WDR3: variants seen among roughly 807,000 people sequenced by gnomAD.
WDR3 encodes the protein WD repeat-containing protein 3.
Under a neutral mutation model 123.7 loss-of-function variants are expected in WDR3, and 81 were observed. That is an observed-to-expected ratio of 0.65 (90% CI 0.55 to 0.79). The LOEUF (loss-of-function observed/expected upper bound fraction) is 0.79, where lower values mean the gene tolerates loss of function less well. Among genes scored for constraint, WDR3 ranks in the 30% least tolerant of loss-of-function variants. WDR3 has a pLI of 0.00. For synonymous variants in WDR3, 390 were observed against 388.8 expected (o/e 1.00, Z -0.04); for missense variants, 1,027 against 1,123.2 (o/e 0.91, Z 1.22).
chr1:117,935,593 T>C (rs1650917085), intron 3 of WDR3, among the ~76,000 whole-genome samples: 1 of 152,092 alleles, frequency 6.6e-6, no homozygotes, highest in African/African-American at 2.4e-5. Context: ...AAACAGTCCT[T>C]AGACAATTGG....
intron 11 of WDR3, among the ~76,000 whole-genome samples, chr1:117,945,537 C>G (rs1312455044): frequency 1.3e-5 from 2 of 152,156 alleles, no homozygotes; most frequent in Non-Finnish European, 2.9e-5. Context: ...CACCTAACAC[C>G]TGATATACCA....
chr1:117,932,187 A>G (rs1650754688), intron 1 of WDR3, among the ~76,000 whole-genome samples: 1 of 152,208 alleles, frequency 6.6e-6, no homozygotes, highest in Non-Finnish European at 1.5e-5. Flanking sequence ...TTTTCAGTGA[A>G]TTTAATAAAA....
At chr1:117,950,393 G>A (rs1651566924) in intron 15 of WDR3, among the ~76,000 whole-genome samples, 1 of 152,164 alleles carries the variant, frequency 6.6e-6, no homozygotes. Flanking sequence ...ATACTAAGTA[G>A]TTATAAGAGC....
At chr1:117,942,893 T>TC (rs1256428041) in intron 10 of WDR3, among the ~76,000 whole-genome samples, 2 of 149,712 alleles carry the variant, frequency 1.3e-5, no homozygotes, top group African/African-American at 4.9e-5. Context: ...AGCCTAGTTT[T>TC]TTTTTTTTTT....
chr1:117,952,051 A>T lies in WDR3; in HGVS notation c.1879A>T (p.Lys627Ter). 6.2e-7 allele frequency: 1 copy of T among 1,613,386 alleles called. No individual in the cohort carries two copies. Among genetic ancestry groups the T allele is most frequent in the Non-Finnish European group, 8.5e-7 (1 of 1,179,438 alleles). The change falls in exon 17 of 27, where the codon AAG (lysine) becomes TAG (stop). Residue 627 changes from lysine to a stop codon, truncating the protein, a stop_gained. Transcript: ENST00000349139. LOFTEE classifies it high-confidence loss of function. ...GGGTTTGGACTTTGGGGACTGCCACAAGTCTCTCTTTGCACATGATGACAG... is the reference window on the plus strand; with the variant it reads ...GGGTTTGGACTTTGGGGACTGCCACTAGTCTCTCTTTGCACATGATGACAG... ...IWGLDFGDCH[K>*]SLFAHDDSVM...
At chr1:117,937,782 A>G (rs1650997538) in intron 4 of WDR3, among the ~76,000 whole-genome samples, 1 of 152,122 alleles carries the variant, frequency 6.6e-6, no homozygotes, top group African/African-American at 2.4e-5. Context: ...GTGTTTGAGC[A>G]GGAGTAGTAG....
chr1:117,937,407 G>A (rs942596247), intron 4 of WDR3, among the ~76,000 whole-genome samples: 1 of 152,052 alleles, frequency 6.6e-6, no homozygotes, highest in Non-Finnish European at 1.5e-5. Context: ...CTAAAGAATG[G>A]CCACCTAGGA....
chr1:117,935,403 A>G (rs1408011812), intron 3 of WDR3, among the ~76,000 whole-genome samples: 1 of 152,102 alleles, frequency 6.6e-6, no homozygotes, highest in Non-Finnish European at 1.5e-5. Flanking sequence ...TTAGATATTA[A>G]AATGTCATAT....
chr1:117,950,751 TAA>T, intron 15 of WDR3, 81 bp from the exon 16 acceptor site: 1 of 1,220,412 alleles, frequency 8.2e-7, no homozygotes, highest in Non-Finnish European at 1.2e-6. Context: ...AAAATGTGTT[TAA>T]AGTTATATTT....
chr1:117,954,669 G>A (rs2295631), intron 23 of WDR3, 42 bp downstream of exon 23: 41,375 of 1,585,658 alleles, frequency 0.026, 2,081 homozygotes, highest in East Asian at 0.25. Flanking sequence ...TTATTAAAAG[G>A]TTACTTACAA....
chr1:117,948,258 C>T (rs1651477899), intron 12 of WDR3, 147 bp from the exon 13 acceptor site: 4 of 644,152 alleles, frequency 6.2e-6, no homozygotes, highest in Non-Finnish European at 1.1e-5. Context: ...GTAGGAAATA[C>T]AGAACATGGA....
chr1:117,948,694 C>G (rs1205641538), intron 13 of WDR3, among the ~76,000 whole-genome samples, 188 bp downstream of exon 13: 7 of 151,142 alleles, frequency 4.6e-5, no homozygotes, highest in Non-Finnish European at 5.9e-5. Flanking sequence ...GCTACTTTTG[C>G]TTATCAGCAG....
intron 22 of WDR3, 21 bp downstream of exon 22, chr1:117,954,120 G>C: frequency 6.3e-7 from 1 of 1,587,134 alleles, no homozygotes; most frequent in Non-Finnish European, 8.6e-7. Context: ...AGTACAGTAA[G>C]TTACAGTATC....
In WDR3 at chr1:117,940,822, A is replaced by G; in HGVS notation, c.676-5A>G. The G allele has an allele frequency of 6.2e-7, 1 of 1,600,022 alleles. No homozygotes were observed. On this transcript the variant is annotated splice_region_variant and splice_polypyrimidine_tract_variant and intron_variant, in intron 6 of 26. Coordinates refer to ENST00000349139, the MANE Select transcript of WDR3 (RefSeq NM_006784.3). ...AGCTTTTATTTTCTCATTTTTATAAAACAGATTGAAGACCCGGAAGAACCA... is the reference window on the plus strand; with the variant it reads ...AGCTTTTATTTTCTCATTTTTATAAGACAGATTGAAGACCCGGAAGAACCA...
chr1:117,954,598 C>G lies in WDR3; in HGVS notation c.2380C>G (p.Pro794Ala). Residue 794 changes from proline to alanine, a missense_variant, in exon 23 of 27, where the codon CCC becomes GCC. Coordinates refer to ENST00000349139, the MANE Select transcript of WDR3 (RefSeq NM_006784.3). ...AGKEVPLPSN[P>A]ILMAYGSISP... ...TTCATAGGTTCCACTTCCCAGCAAC[C>G]CCATCCTAATGGCTTATGGCAGTAT... 1 of 1,612,450 alleles carries G rather than the reference C, an allele frequency of 6.2e-7. No individual in the cohort carries two copies. Among genetic ancestry groups the G allele is most frequent in the Non-Finnish European group, 8.5e-7 (1 of 1,179,098 alleles).
At chr1:117,941,039 C>A in intron 7 of WDR3, 85 bp from the exon 8 acceptor site, 1 of 1,580,686 alleles carries the variant, frequency 6.3e-7, no homozygotes, top group African/African-American at 1.4e-5. Context: ...ATATTTTTGT[C>A]ACTTGCACTT....
At chr1:117,936,713 T>C in intron 3 of WDR3, 56 bp from the exon 4 acceptor site, 1 of 1,326,252 alleles carries the variant, frequency 7.5e-7, no homozygotes, top group Non-Finnish European at 1.1e-6. Flanking sequence ...TTTGTCAAGT[T>C]GGGCCATATA....
At chr1:117,934,415 T>A in intron 2 of WDR3, 58 bp from the exon 3 acceptor site, 1 of 1,554,370 alleles carries the variant, frequency 6.4e-7, no homozygotes, top group Non-Finnish European at 8.8e-7. Context: ...ATTCCTATGC[T>A]TTTCCCTTGA....
At position 117,952,571 on chromosome 1, in the gene WDR3, G is replaced by A. The variant is rs1224428076; in HGVS notation, c.2060G>A (p.Gly687Glu). 6.2e-7 allele frequency: 1 copy of A among 1,613,542 alleles called. No homozygotes were observed. The highest frequency in any genetic ancestry group is 8.5e-7 in the Non-Finnish European group (1 of 1,179,650). ...EIWCLAVSPSGDYVVSSSHDK... is the reference protein window; with the variant it reads ...EIWCLAVSPSEDYVVSSSHDK... ...TGGTGTTTGGCTGTAAGCCCCAGTG[G>A]AGACTATGTTGTATCATCGTCCCAT... Residue 687 changes from glycine to glutamate, a missense_variant, in exon 19 of 27, where the codon GGA becomes GAA. Physicochemically the swap from Gly to Glu is moderately conservative, Grantham distance 98. Transcript: ENST00000349139.
Sources: gnomAD v4.1 joint callset for allele counts (sites outside exome capture counted in the v4.1 genomes callset) on GRCh38, gnomAD v4.1.1 for gene constraint, MANE v1.5 for transcripts, NCBI Gene and HGNC (gene_info 2026-07-23, HGNC 2026-07-21) for gene names.